Variants in DPYD observed in about 807,000 individuals in gnomAD.
DPYD encodes dihydropyrimidine dehydrogenase.
A neutral mutation model predicts 116.2 loss-of-function variants in DPYD; 109 were observed. That is an observed-to-expected ratio of 0.94 (90% CI 0.80 to 1.10). DPYD has a LOEUF of 1.10. DPYD is among the 50% of genes least tolerant of loss of function. The pLI, the probability that DPYD is intolerant of heterozygous loss-of-function variation, is 0.00. For missense variants in DPYD, 1,302 were observed against 1,254.5 expected (o/e 1.04, Z -0.57); for synonymous variants, 440 against 432.0 (o/e 1.02, Z -0.23).
chr1:97,882,477 C>T (rs1672278181), intron 2 of DPYD, among the ~76,000 whole-genome samples: 1 of 151,904 alleles, frequency 6.6e-6, no homozygotes, highest in Non-Finnish European at 1.5e-5. Flanking sequence ...TACACGGTTC[C>T]AATTGAGCTA....
intron 8 of DPYD, among the ~76,000 whole-genome samples, chr1:97,669,956 T>C (rs770816425): frequency 1.6e-4 from 25 of 152,184 alleles, no homozygotes; most frequent in Non-Finnish European, 2.6e-4. Context: ...ATTCGTAAGA[T>C]AAGAGCTGTG....
At chr1:97,086,578 T>C (rs1288595105) in intron 21 of DPYD, among the ~76,000 whole-genome samples, 1 of 152,202 alleles carries the variant, frequency 6.6e-6, no homozygotes, top group Non-Finnish European at 1.5e-5. Flanking sequence ...GCTTCAAGTC[T>C]TCATATTTGA....
chr1:97,330,629 A>G (rs1668936392), intron 16 of DPYD, among the ~76,000 whole-genome samples: 1 of 152,186 alleles, frequency 6.6e-6, no homozygotes, highest in Non-Finnish European at 1.5e-5. Context: ...AAAAATATAC[A>G]ACAGGGCAAG....
chr1:97,425,549 A>G (rs1317733523), intron 14 of DPYD, among the ~76,000 whole-genome samples: 1 of 152,076 alleles, frequency 6.6e-6, no homozygotes, highest in African/African-American at 2.4e-5. Context: ...CCAGCACTTC[A>G]TTACTCCAGA....
At chr1:97,603,080 C>T (rs1014477709) in intron 8 of DPYD, among the ~76,000 whole-genome samples, 1 of 151,760 alleles carries the variant, frequency 6.6e-6, no homozygotes. Flanking sequence ...TCTCATTTGG[C>T]TTTTGCTATA....
intron 16 of DPYD, among the ~76,000 whole-genome samples, chr1:97,309,395 T>G (rs1667362041): frequency 6.6e-6 from 1 of 151,276 alleles, no homozygotes; most frequent in Non-Finnish European, 1.5e-5. Flanking sequence ...GTTAACCCTT[T>G]TGCTATTCAA....
intron 13 of DPYD, among the ~76,000 whole-genome samples, chr1:97,495,686 T>A (rs1679222639): frequency 6.6e-6 from 1 of 152,082 alleles, no homozygotes; most frequent in Non-Finnish European, 1.5e-5. Flanking sequence ...ACAGCTGGTA[T>A]CATGATAAAT....
intron 3 of DPYD, among the ~76,000 whole-genome samples, chr1:97,810,414 AT>A (rs1368032983): frequency 6.6e-6 from 1 of 151,970 alleles, no homozygotes; most frequent in Non-Finnish European, 1.5e-5. Flanking sequence ...ATATCATCCT[AT>A]TTTCCCTTTA....
intron 3 of DPYD, among the ~76,000 whole-genome samples, chr1:97,793,670 G>A (rs1326403554): frequency 2.0e-5 from 3 of 151,206 alleles, no homozygotes; most frequent in Non-Finnish European, 2.9e-5. Flanking sequence ...AAAACAAAAC[G>A]AAAAAAAACT....
chr1:97,285,127 G>A (rs551018939), intron 18 of DPYD, among the ~76,000 whole-genome samples: 2 of 152,242 alleles, frequency 1.3e-5, no homozygotes, highest in Admixed American at 1.3e-4. Context: ...TCCTTGCCTT[G>A]ACCTCTAACA....
At chr1:97,918,428 T>TACA (rs202095940) in intron 1 of DPYD, among the ~76,000 whole-genome samples, 6 of 152,026 alleles carry the variant, frequency 3.9e-5, no homozygotes, top group Non-Finnish European at 7.4e-5. Flanking sequence ...CTTCTATGAT[T>TACA]ACAACAACAA....
chr1:97,167,502 C>T (rs559394613), intron 20 of DPYD, among the ~76,000 whole-genome samples: 2 of 152,194 alleles, frequency 1.3e-5, no homozygotes, highest in Admixed American at 1.3e-4. Flanking sequence ...GAGTAGGATG[C>T]TTTCTATATT....
At chr1:97,638,772 G>A (rs1165467908) in intron 8 of DPYD, among the ~76,000 whole-genome samples, 5 of 151,932 alleles carry the variant, frequency 3.3e-5, no homozygotes, top group South Asian at 2.1e-4. Context: ...AGGAAGTGTC[G>A]GGCTCTTCTT....
At chr1:97,412,278 C>T (rs1674046684) in intron 14 of DPYD, among the ~76,000 whole-genome samples, 1 of 152,144 alleles carries the variant, frequency 6.6e-6, no homozygotes, top group South Asian at 2.1e-4. Flanking sequence ...GGCTTGAAAA[C>T]AAACTATTTA....
intron 11 of DPYD, among the ~76,000 whole-genome samples, chr1:97,565,586 C>G (rs1024285607): frequency 6.6e-6 from 1 of 152,144 alleles, no homozygotes; most frequent in Admixed American, 6.6e-5. Context: ...TCGGCCCATA[C>G]TTTTGTATAT....
Position 97,755,070 on chromosome 1 carries a change from G to C in DPYD, c.234-14591C>G, listed in dbSNP as rs191613862. On this transcript the variant is annotated intron_variant, in intron 3 of 22. Transcript: ENST00000370192. Reference sequence around the variant, plus strand: ...CTATCCTACTGAAAGTAGCATAGAGGTTGCAGGACAATTCTATGGATGGCC... The same window carrying C: ...CTATCCTACTGAAAGTAGCATAGAGCTTGCAGGACAATTCTATGGATGGCC... Among the ~76,000 whole-genome samples the C allele has an allele frequency of 2.6e-5, 4 of 152,280 alleles. No homozygotes were observed. In the East Asian group the frequency reaches 7.7e-4, roughly 29 times the overall value.
intron 18 of DPYD, among the ~76,000 whole-genome samples, chr1:97,284,757 T>A (rs534228755): frequency 6.6e-6 from 1 of 152,306 alleles, no homozygotes; most frequent in African/African-American, 2.4e-5. Flanking sequence ...TCTGTCATAT[T>A]TTTCTACATT....
At chr1:97,170,074 T>C (rs1234358693) in intron 20 of DPYD, among the ~76,000 whole-genome samples, 1 of 152,156 alleles carries the variant, frequency 6.6e-6, no homozygotes, top group African/African-American at 2.4e-5. Context: ...CAGGCATACA[T>C]ACAGAAAATA....
chr1:97,770,030 A>G (rs1032215464), intron 3 of DPYD, among the ~76,000 whole-genome samples: 9 of 152,224 alleles, frequency 5.9e-5, no homozygotes, highest in African/African-American at 2.2e-4. Context: ...GAATGATATT[A>G]AAAAGCCATT....
Sources: gnomAD v4.1 joint callset for allele counts (sites outside exome capture counted in the v4.1 genomes callset) on GRCh38, gnomAD v4.1.1 for gene constraint, MANE v1.5 for transcripts, NCBI Gene and HGNC (gene_info 2026-07-23, HGNC 2026-07-21) for gene names.